GPR89B: variants seen among roughly 807,000 people sequenced by gnomAD.
GPR89B encodes G protein-coupled receptor 89B.
GPR89B carries 25 observed loss-of-function variants against 52.4 expected under a neutral mutation model. That is an observed-to-expected ratio of 0.48 (90% confidence interval 0.35 to 0.67). The LOEUF (loss-of-function observed/expected upper bound fraction) is 0.67, where lower values mean the gene tolerates loss of function less well. Among genes scored for constraint, GPR89B ranks in the 30% least tolerant of loss-of-function variants. GPR89B has a pLI of 0.01. For missense variants in GPR89B, 146 were observed against 450.2 expected (o/e 0.32, Z 6.11); for synonymous variants, 52 against 151.2 (o/e 0.34, Z 4.81).
chr1:147,975,952 G>T (rs1657798894), intron 10 of GPR89B, among the ~76,000 whole-genome samples: 1 of 152,182 alleles, frequency 6.6e-6, no homozygotes, highest in African/African-American at 2.4e-5. Flanking sequence ...CAATTTTCAT[G>T]TAGTTGTGTA....
At chr1:147,931,218 C>G (rs1305833433) in intron 1 of GPR89B, among the ~76,000 whole-genome samples, 2 of 151,634 alleles carry the variant, frequency 1.3e-5, no homozygotes, top group African/African-American at 4.9e-5. Context: ...ATAGTTAATT[C>G]TTTAATAACT....
downstream of GPR89B, among the ~76,000 whole-genome samples, chr1:147,998,414 G>A (rs1434692788): frequency 4.1e-5 from 6 of 145,918 alleles, no homozygotes; most frequent in Admixed American, 1.4e-4. Flanking sequence ...AGACCTTTCA[G>A]TCATATACTT....
the GPR89B span, among the ~76,000 whole-genome samples, chr1:148,008,580 C>T: frequency 6.6e-6 from 1 of 152,204 alleles, no homozygotes; most frequent in Non-Finnish European, 1.5e-5. Context: ...AGGCAGTGTT[C>T]AAGAAGGAAT....
intron 5 of GPR89B, among the ~76,000 whole-genome samples, chr1:147,952,546 A>G (rs1366916804): frequency 2.6e-5 from 4 of 152,144 alleles, no homozygotes; most frequent in African/African-American, 7.3e-5. Context: ...CCTGAATTAT[A>G]TAGCTCTGGC....
rs587667415 is a variant in GPR89B, at chr1:147,932,321, T to TTA, written c.42+3744_42+3745dup. On this transcript the variant is annotated intron_variant, in intron 1 of 13. Coordinates refer to ENST00000314163, the MANE Select transcript of GPR89B (RefSeq NM_016334.5). Reference sequence around the variant, plus strand: ...AGATGCTTGGATCCAACTTACTTTCTTAAACCCTCTTGTTCGTTTACCTTC... The same window carrying TTA: ...AGATGCTTGGATCCAACTTACTTTCTTATAAACCCTCTTGTTCGTTTACCTTC... Among the ~76,000 whole-genome samples, 135 of 152,204 alleles carry TTA rather than the reference T, an allele frequency of 8.9e-4. 1 individual carries two copies. The Middle Eastern group carries it at 0.02, about 23-fold the overall frequency.
chr1:147,946,630 A>C (rs1654996772), intron 5 of GPR89B, among the ~76,000 whole-genome samples: 2 of 152,038 alleles, frequency 1.3e-5, no homozygotes, highest in African/African-American at 4.8e-5. Flanking sequence ...ATACAGTCTC[A>C]CATGCACTAC....
In GPR89B at chr1:147,989,926, G is replaced by A. The variant is rs1201988306; in HGVS notation, c.1095+1405G>A. 1.7e-4 allele frequency among the ~76,000 whole-genome samples: 26 copies of A among 152,288 alleles called. No homozygotes were observed. In the East Asian group the frequency reaches 1.9e-3, roughly 11 times the overall value. Reference sequence around the variant, plus strand: ...AATATTGCACACGCAATAAACATACGTGTGCATGTGTCTTTATAGCAGCAT... The same window carrying A: ...AATATTGCACACGCAATAAACATACATGTGCATGTGTCTTTATAGCAGCAT... On this transcript the variant is annotated intron_variant, in intron 12 of 13. Coordinates refer to ENST00000314163, the MANE Select transcript of GPR89B (RefSeq NM_016334.5).
chr1:147,993,123 C>G lies in GPR89B; in HGVS notation c.*206C>G. ...CAGAACATGAGAGGGAGAACTAACTCAAGACAATACTCAGCAGAGAGCATC... is the reference window on the plus strand; with the variant it reads ...CAGAACATGAGAGGGAGAACTAACTGAAGACAATACTCAGCAGAGAGCATC... On this transcript the variant is annotated 3_prime_UTR_variant, in exon 14 of 14. Transcript: ENST00000314163. The G allele has an allele frequency of 1.5e-6, 2 of 1,352,056 alleles. No individual in the cohort carries two copies. The highest frequency in any genetic ancestry group is 9.9e-7 in the Non-Finnish European group (1 of 1,011,008). The allele number at this position is 1,352,056 out of a possible 1,614,324, so 83.8% of individuals were successfully genotyped here.
the GPR89B span, among the ~76,000 whole-genome samples, chr1:148,002,553 C>T: frequency 6.6e-6 from 1 of 152,112 alleles, no homozygotes; most frequent in Non-Finnish European, 1.5e-5. Context: ...GTATCTTCTC[C>T]AAGCCCTCAA....
At chr1:147,940,267 G>C (rs1384124100) in intron 3 of GPR89B, among the ~76,000 whole-genome samples, 2 of 151,662 alleles carry the variant, frequency 1.3e-5, no homozygotes, top group African/African-American at 4.8e-5. Flanking sequence ...GCTGGGCATG[G>C]TGGTGGGCGC....
Position 147,978,886 on chromosome 1 carries a change from G to A in GPR89B, c.910-7313G>A, listed in dbSNP as rs1403249603. ...TGGTGGCTATCCCGGGAACTTGGTC[G>A]TCTTAGGCAATCTCCAGCCTGCTGC... On this transcript the variant is annotated intron_variant, in intron 10 of 13. Coordinates refer to ENST00000314163, the MANE Select transcript of GPR89B (RefSeq NM_016334.5). Among the ~76,000 whole-genome samples, 707 of 151,040 alleles carry A rather than the reference G, an allele frequency of 4.7e-3. 22 individuals are homozygous for A. The highest frequency in any genetic ancestry group is 0.016 in the African/African-American group (669 of 40,684).
intron 1 of GPR89B, among the ~76,000 whole-genome samples, chr1:147,930,937 A>C (rs1365688701): frequency 2.0e-5 from 3 of 152,100 alleles, no homozygotes; most frequent in Non-Finnish European, 4.4e-5. Flanking sequence ...TTCAGATCTC[A>C]AGTTGAACAC....
At chr1:148,019,152 T>G in the GPR89B span, among the ~76,000 whole-genome samples, 10 of 150,924 alleles carry the variant, frequency 6.6e-5, no homozygotes, top group Non-Finnish European at 4.4e-5. Context: ...AATTTTTGTA[T>G]TTTTAGTAGA....
At chr1:147,983,579 C>T (rs1311285779) in intron 10 of GPR89B, among the ~76,000 whole-genome samples, 2 of 152,158 alleles carry the variant, frequency 1.3e-5, no homozygotes, top group African/African-American at 2.4e-5. Flanking sequence ...AGAAAAAATG[C>T]TCACCATCAC....
chr1:147,949,433 G>T (rs1292505936), intron 5 of GPR89B, among the ~76,000 whole-genome samples: 1 of 14,786 alleles, frequency 6.8e-5, no homozygotes, highest in Admixed American at 5.6e-4. Flanking sequence ...CTGGCCGGGT[G>T]GGGGGCTGAC....
Position 147,928,456 on chromosome 1 carries a change from G to T in GPR89B, c.-81G>T, listed in dbSNP as rs1474011216. 12 of 1,557,456 alleles carry T rather than the reference G, an allele frequency of 7.7e-6. No individual in the cohort carries two copies. The highest frequency in any genetic ancestry group is 9.7e-6 in the Non-Finnish European group (11 of 1,130,796). ...TGCAGCACCTGGGAGAAGGCAGACC[G>T]TGTGAGGGGGCCTGTGGCCCCAGCG... is the stretch of plus-strand genomic sequence containing the variant. On this transcript the variant is annotated 5_prime_UTR_variant, in exon 1 of 14. Transcript: ENST00000314163.
intron 7 of GPR89B, among the ~76,000 whole-genome samples, chr1:147,956,885 G>A (rs1422740883): frequency 1.9e-4 from 29 of 151,568 alleles, no homozygotes; most frequent in Non-Finnish European, 2.9e-5. Flanking sequence ...TTATAGGTGC[G>A]CACCACCACA....
At position 147,935,714 on chromosome 1, in the gene GPR89B, G is replaced by A. The variant is rs1162178849; in HGVS notation, c.43-913G>A. On this transcript the variant is annotated intron_variant, in intron 1 of 13. Coordinates refer to ENST00000314163, the MANE Select transcript of GPR89B (RefSeq NM_016334.5). ...TTGGTCTCAACTCCTCTCCCCTGAA[G>A]TTTTTATTTTTTAAATTAATTTATT... Among the ~76,000 whole-genome samples, 6 of 152,198 alleles carry A rather than the reference G, an allele frequency of 3.9e-5. No individual in the cohort carries two copies. The South Asian group carries it at 6.2e-4, about 16-fold the overall frequency.
At chr1:148,018,465 T>C in the GPR89B span, among the ~76,000 whole-genome samples, 1 of 150,172 alleles carries the variant, frequency 6.7e-6, no homozygotes, top group African/African-American at 2.5e-5. Context: ...GGAAGAGATT[T>C]TATAAACAAA....
Sources: allele counts gnomAD v4.1 joint callset (sites outside exome capture counted in the v4.1 genomes callset), GRCh38; gene constraint gnomAD v4.1.1; transcripts MANE v1.5; gene names NCBI Gene and HGNC (gene_info 2026-07-23, HGNC 2026-07-21).